CENPM: variants seen among roughly 807,000 people sequenced by gnomAD.
CENPM encodes the protein centromere protein M.
CENPM carries 14 observed loss-of-function variants against 19.6 expected under a neutral mutation model. That is an observed-to-expected ratio of 0.71 (90% CI 0.47 to 1.11). The LOEUF (loss-of-function observed/expected upper bound fraction) is 1.11, where lower values mean the gene tolerates loss of function less well. CENPM is among the 50% of genes most tolerant of loss of function. The pLI is 0.00. For synonymous variants in CENPM, 114 were observed against 101.5 expected, an observed-to-expected ratio of 1.12 and a Z score of -0.74; for missense variants, 239 against 228.4, an observed-to-expected ratio of 1.05 and a Z score of -0.30.
downstream of CENPM, among the ~76,000 whole-genome samples, chr22:41,934,353 T>C (rs1445221968): frequency 6.6e-6 from 1 of 151,998 alleles, no homozygotes; most frequent in Non-Finnish European, 1.5e-5. Flanking sequence ...GACAAATGAG[T>C]GTGTGACTCC....
chr22:41,930,225 G>GC, the CENPM span, among the ~76,000 whole-genome samples: 1 of 146,378 alleles, frequency 6.8e-6, no homozygotes, highest in Admixed American at 6.9e-5. Context: ...ACAGACGTGA[G>GC]CCACCGCGTC....
At chr22:41,934,704 G>A (rs2077676771), downstream of CENPM, among the ~76,000 whole-genome samples, 1 of 152,212 alleles carries the variant, frequency 6.6e-6, no homozygotes. Context: ...TTCATTGCCA[G>A]TCCTCAACTA....
the CENPM span, among the ~76,000 whole-genome samples, chr22:41,929,441 G>A: frequency 1.3e-5 from 2 of 152,286 alleles, no homozygotes; most frequent in South Asian, 2.1e-4. Flanking sequence ...GGCCAGAGTC[G>A]GGAGAATTTA....
At chr22:41,944,075 G>A (rs2077769882) in intron 4 of CENPM, 7 of 983,812 alleles carry the variant, frequency 7.1e-6, no homozygotes, top group African/African-American at 1.7e-5. Context: ...TGACACTGGG[G>A]CTGAGTTTTG....
chr22:41,945,958 CG>C lies in CENPM; in HGVS notation c.184del (p.Arg62GlufsTer4), dbSNP rs2077795795. ...AACCACAAACACGATCAGGTCAATT[CG>C]GGGCCGATTCACACTGGAGGGCAAA... Reference protein sequence around the residue: ...LPLPSSVNRPRIDLIVFVVNL... With the variant: ...LPLPSSVNRPXIDLIVFVVNL... On this transcript the variant is annotated frameshift_variant, in exon 3 of 6. Transcript: ENST00000215980. LOFTEE classifies it high-confidence loss of function. The C allele has an allele frequency of 6.2e-7, 1 of 1,613,712 alleles. No individual in the cohort carries two copies. The highest frequency in any genetic ancestry group is 1.3e-5 in the African/African-American group (1 of 74,890).
At chr22:41,929,427 G>T in the CENPM span, among the ~76,000 whole-genome samples, 1 of 152,332 alleles carries the variant, frequency 6.6e-6, no homozygotes, top group Middle Eastern at 3.4e-3. Flanking sequence ...GGGTGGCCCA[G>T]TGAGGCCAGA....
At chr22:41,928,109 C>A in the CENPM span, 1 of 366,930 alleles carries the variant, frequency 2.7e-6, no homozygotes, top group South Asian at 2.2e-5. This position sits in a 1 kb window ranked among gnomAD's most constrained non-coding sequence, Gnocchi z 4.0. Flanking sequence ...GGAGCTTGGA[C>A]TGTGGCTGGG....
chr22:41,937,071 G>A (rs2077687046), downstream of CENPM, among the ~76,000 whole-genome samples: 1 of 152,170 alleles, frequency 6.6e-6, no homozygotes, highest in African/African-American at 2.4e-5. Flanking sequence ...GGAGGGCACT[G>A]TCATGTTCCA....
At chr22:41,930,860 G>GT in the CENPM span, among the ~76,000 whole-genome samples, 2 of 128,730 alleles carry the variant, frequency 1.6e-5, no homozygotes, top group African/African-American at 6.1e-5. Flanking sequence ...TTTTTGAGAT[G>GT]GAGTCTCGCT....
intron 5 of CENPM, chr22:41,940,220 G>A (rs1382477810): frequency 1.3e-6 from 1 of 742,474 alleles, no homozygotes. Context: ...TGGCCTGCCT[G>A]CCTACTTCCT....
At chr22:41,933,349 C>CAGGGAG in the CENPM span, among the ~76,000 whole-genome samples, 2 of 136,158 alleles carry the variant, frequency 1.5e-5, no homozygotes, top group African/African-American at 5.7e-5. Context: ...CGGACAGCGG[C>CAGGGAG]AGGGAGAGGG....
Position 41,947,096 on chromosome 22 carries a change from G to A in CENPM, c.-20C>T, listed in dbSNP as rs765917030. ...CGACATCACAGCCGCAGGACCAACC[G>A]TTGCTCCTGCGGTGCGCGCCGATCT... is the stretch of plus-strand genomic sequence containing the variant. On this transcript the variant is annotated 5_prime_UTR_variant, in exon 1 of 6. The change creates a new upstream start codon in the 5' untranslated region. Transcript: ENST00000215980. 2 of 1,612,076 alleles carry A rather than the reference G, an allele frequency of 1.2e-6. No homozygotes were observed. The highest frequency in any genetic ancestry group is 1.7e-6 in the Non-Finnish European group (2 of 1,179,464).
chr22:41,939,484 C>G (rs2077706133), intron 5 of CENPM, among the ~76,000 whole-genome samples: 1 of 152,178 alleles, frequency 6.6e-6, no homozygotes, highest in Non-Finnish European at 1.5e-5. Flanking sequence ...AACAAACTGT[C>G]TAGGGTCACC....
chr22:41,945,389 C>A (rs750856068), intron 3 of CENPM, 85 bp from the exon 4 acceptor site: 1 of 1,584,600 alleles, frequency 6.3e-7, no homozygotes, highest in South Asian at 1.1e-5. Flanking sequence ...CTTCTCTGAT[C>A]CTAGAGGCCA....
intron 1 of CENPM, 95 bp downstream of exon 1, chr22:41,946,925 C>A: frequency 6.1e-6 from 8 of 1,312,418 alleles, no homozygotes; most frequent in Non-Finnish European, 8.8e-6. Flanking sequence ...GTAGCGCGCG[C>A]TGGCTTGGCG....
downstream of CENPM, among the ~76,000 whole-genome samples, chr22:41,937,410 C>T (rs1276418522): frequency 6.6e-6 from 1 of 152,160 alleles, no homozygotes; most frequent in Non-Finnish European, 1.5e-5. Context: ...ATTTTCCTGC[C>T]TCAGCCTCCC....
the CENPM span, among the ~76,000 whole-genome samples, chr22:41,928,587 G>A: frequency 6.6e-6 from 1 of 152,120 alleles, no homozygotes; most frequent in African/African-American, 2.4e-5. The surrounding 1 kb of genome is among the most constrained non-coding windows in gnomAD (Gnocchi z 4.0). Flanking sequence ...GAGCAGCAGC[G>A]AGGGGGAGGC....
At chr22:41,940,178 C>T (rs759154791) in intron 5 of CENPM, 1 of 768,184 alleles carries the variant, frequency 1.3e-6, no homozygotes, top group Non-Finnish European at 2.4e-6. Flanking sequence ...GGCCCATGCA[C>T]TTGCTGTTCC....
At chr22:41,946,110 CTCA>C (rs2077798481) in intron 2 of CENPM, 105 bp from the exon 3 acceptor site, 2 of 985,084 alleles carry the variant, frequency 2.0e-6, no homozygotes, top group South Asian at 1.4e-5. Context: ...GGCTCCCCAC[CTCA>C]TCCTAGCCAC....
Sources: gnomAD v4.1 joint callset for allele counts (sites outside exome capture counted in the v4.1 genomes callset) on GRCh38, gnomAD v4.1.1 for gene constraint, Gnocchi (gnomAD v3.1) non-coding constraint, MANE v1.5 for transcripts, NCBI Gene and HGNC (gene_info 2026-07-23, HGNC 2026-07-21) for gene names.